Variants in RHOA observed in about 807,000 individuals in gnomAD.
The protein encoded by RHOA is ras homolog family member A, also known as transforming protein RhoA.
Under a neutral mutation model 17.5 loss-of-function variants are expected in RHOA, and 3 were observed. That is an observed-to-expected ratio of 0.17 (90% CI 0.08 to 0.44). RHOA has a LOEUF of 0.44. Among genes scored for constraint, RHOA ranks in the 20% least tolerant of loss-of-function variants. The pLI is 0.99. For missense variants in RHOA, 56 were observed against 242.3 expected (o/e 0.23, Z 5.10); for synonymous variants, 98 against 88.4 (o/e 1.11, Z -0.61).
intron 1 of RHOA, among the ~76,000 whole-genome samples, chr3:49,396,217 T>C (rs1293135652): frequency 2.0e-5 from 3 of 151,460 alleles, no homozygotes; most frequent in African/African-American, 7.3e-5. Flanking sequence ...CAGGCAAGAG[T>C]AGATGGCAGT....
intron 1 of RHOA, among the ~76,000 whole-genome samples, chr3:49,397,689 T>C (rs967810450): frequency 1.9e-4 from 29 of 152,026 alleles, no homozygotes; most frequent in African/African-American, 6.8e-4. Context: ...AAAATGATGA[T>C]GCAGGAGAGC....
At position 49,409,385 on chromosome 3, in the gene RHOA, A is replaced by C. The variant is rs377290674; in HGVS notation, c.-3+2435T>G. Among the ~76,000 whole-genome samples, 31 of 152,102 alleles carry C rather than the reference A, an allele frequency of 2.0e-4. No individual in the cohort carries two copies. The East Asian group carries it at 5.8e-3, about 29-fold the overall frequency. On this transcript the variant is annotated intron_variant, in intron 1 of 4. Coordinates refer to ENST00000418115, the MANE Select transcript of RHOA (RefSeq NM_001664.4). ...ACTCCAGCCTGGGCAACAGAGTGAG[A>C]CTCCATTTCAAAAATAAAAATAAAT... is the stretch of plus-strand genomic sequence containing the variant.
chr3:49,383,903 G>A (rs1318883241), intron 1 of RHOA, among the ~76,000 whole-genome samples: 1 of 152,078 alleles, frequency 6.6e-6, no homozygotes, highest in Non-Finnish European at 1.5e-5. Context: ...GGTGGCATCT[G>A]CCTGTAATCC....
At chr3:49,380,900 C>A (rs1387285482) in intron 1 of RHOA, among the ~76,000 whole-genome samples, 1 of 150,156 alleles carries the variant, frequency 6.7e-6, no homozygotes, top group African/African-American at 2.4e-5. Flanking sequence ...TTTGTGAATT[C>A]TCAGGACAAT....
At chr3:49,394,631 G>A (rs922634138) in intron 1 of RHOA, among the ~76,000 whole-genome samples, 1 of 152,104 alleles carries the variant, frequency 6.6e-6, no homozygotes, top group African/African-American at 2.4e-5. Flanking sequence ...GATTTCAGGC[G>A]TGAGCCACTG....
intron 1 of RHOA, among the ~76,000 whole-genome samples, chr3:49,387,762 A>C (rs2048426158): frequency 1.3e-5 from 2 of 151,714 alleles, no homozygotes; most frequent in Admixed American, 1.3e-4. Context: ...ACAAAAAAAA[A>C]AACCCTATTA....
intron 1 of RHOA, among the ~76,000 whole-genome samples, chr3:49,391,791 G>GT (rs1327204122): frequency 1.3e-5 from 2 of 149,838 alleles, no homozygotes; most frequent in Non-Finnish European, 3.0e-5. Context: ...GATTACAGGC[G>GT]TGAGCCACTG....
In RHOA at chr3:49,364,112, G is replaced by A. The variant is rs547949661; in HGVS notation, c.278-1486C>T. ...CGTCTATAATCCCAAAACTTTGAGA[G>A]GCTGAGGCAGGTGGATCGCGTTAGG... On this transcript the variant is annotated intron_variant, in intron 3 of 4. Coordinates refer to ENST00000418115, the MANE Select transcript of RHOA (RefSeq NM_001664.4). Among the ~76,000 whole-genome samples the A allele has an allele frequency of 1.0e-3, 157 of 152,196 alleles. 1 individual carries two copies. The highest frequency in any genetic ancestry group is 2.0e-3 in the Non-Finnish European group (138 of 68,002).
At chr3:49,364,754 G>A (rs1293786773) in intron 3 of RHOA, among the ~76,000 whole-genome samples, 1 of 152,050 alleles carries the variant, frequency 6.6e-6, no homozygotes, top group African/African-American at 2.4e-5. Context: ...GGCCGAGGCA[G>A]GTGGATCAGG....
Position 49,359,207 on chromosome 3 carries a change from T to C in RHOA, c.*1002A>G, listed in dbSNP as rs72554687. Reference sequence around the variant, plus strand: ...AATTAACTGGTACAGAAAAAAAGTTTAGTCAGCTGGAGAGAAGAGAGACTG... The same window carrying C: ...AATTAACTGGTACAGAAAAAAAGTTCAGTCAGCTGGAGAGAAGAGAGACTG... On this transcript the variant is annotated 3_prime_UTR_variant, in exon 5 of 5. Coordinates refer to ENST00000418115, the MANE Select transcript of RHOA (RefSeq NM_001664.4). 1,092 of 188,524 alleles carry C rather than the reference T, an allele frequency of 5.8e-3. 9 individuals are homozygous for C. The highest frequency in any genetic ancestry group is 0.024 in the African/African-American group (1,031 of 42,872). The allele number at this position is 188,524 out of a possible 1,614,324, so 11.7% of individuals were successfully genotyped here.
intron 1 of RHOA, among the ~76,000 whole-genome samples, chr3:49,381,353 C>A (rs1049167919): frequency 1.3e-5 from 2 of 150,010 alleles, no homozygotes; most frequent in African/African-American, 4.9e-5. Context: ...TGCAGTAAGC[C>A]GATATCTCGC....
chr3:49,370,273 T>C lies in RHOA; in HGVS notation c.157-1725A>G, dbSNP rs1391267107. ...GAAAAAAACAAAAAAACAAAACAGATACTAGAACTGAACCAAGTGGCATAA... is the reference window on the plus strand; with the variant it reads ...GAAAAAAACAAAAAAACAAAACAGACACTAGAACTGAACCAAGTGGCATAA... On this transcript the variant is annotated intron_variant, in intron 2 of 4. Transcript: ENST00000418115. Among the ~76,000 whole-genome samples the C allele has an allele frequency of 7.2e-5, 11 of 151,990 alleles. No homozygotes were observed. The East Asian group carries it at 2.1e-3, about 29-fold the overall frequency.
At chr3:49,399,054 C>CA (rs10530558) in intron 1 of RHOA, among the ~76,000 whole-genome samples, 580 of 24,838 alleles carry the variant, frequency 0.023, 79 homozygotes, top group Middle Eastern at 0.036. Flanking sequence ...GACTCCGTCT[C>CA]AAAAAAAAAA....
Position 49,360,386 on chromosome 3 carries a change from G to C in RHOA, c.409-4C>G. ...CTTCTTCAGGTTTCACCGGCTCCTA[G>C]CAAAGAAAAAAAAATAGTCCTTTTA... On this transcript the variant is annotated splice_polypyrimidine_tract_variant and splice_region_variant and intron_variant, in intron 4 of 4. Coordinates refer to ENST00000418115, the MANE Select transcript of RHOA (RefSeq NM_001664.4). 6.3e-7 allele frequency: 1 copy of C among 1,593,980 alleles called. No individual in the cohort carries two copies. Among genetic ancestry groups the C allele is most frequent in the African/African-American group, 1.4e-5 (1 of 73,136 alleles).
At chr3:49,411,275 T>C (rs375218917) in intron 1 of RHOA, among the ~76,000 whole-genome samples, 82 of 152,340 alleles carry the variant, frequency 5.4e-4, no homozygotes, top group Admixed American at 2.0e-3. Context: ...TACAATCTTT[T>C]ACTTACTTAC....
chr3:49,377,060 A>G (rs1219454112), intron 1 of RHOA, among the ~76,000 whole-genome samples: 9 of 152,132 alleles, frequency 5.9e-5, no homozygotes. Flanking sequence ...CCCGGGAGGC[A>G]GAGGTTGTGG....
intron 2 of RHOA, among the ~76,000 whole-genome samples, chr3:49,374,043 T>C (rs993672117): frequency 6.6e-6 from 1 of 152,102 alleles, no homozygotes; most frequent in African/African-American, 2.4e-5. Context: ...CAGGCTATTT[T>C]ATGTTAAAGT....
intron 1 of RHOA, among the ~76,000 whole-genome samples, chr3:49,389,733 A>T (rs893796392): frequency 3.3e-5 from 5 of 151,740 alleles, no homozygotes; most frequent in Admixed American, 1.3e-4. Context: ...CGAGGTCAGG[A>T]TATTGACACC....
At position 49,375,433 on chromosome 3, in the gene RHOA, C is replaced by T. The variant is rs2107849053; in HGVS notation, c.156+1G>A. ...TCAGTTGTTATGAAAAGTATACTCA[C>T]CTGCTTTCCATCCACCTCGATATCT... On this transcript the variant is annotated splice_donor_variant, in intron 2 of 4. Coordinates refer to ENST00000418115, the MANE Select transcript of RHOA (RefSeq NM_001664.4). LOFTEE classifies it high-confidence loss of function. 6.2e-7 allele frequency: 1 copy of T among 1,609,076 alleles called. No homozygotes were observed. Among genetic ancestry groups the T allele is most frequent in the African/African-American group, 1.3e-5 (1 of 74,822 alleles).
Sources: gnomAD v4.1 joint callset for allele counts (sites outside exome capture counted in the v4.1 genomes callset) on GRCh38, gnomAD v4.1.1 for gene constraint, MANE v1.5 for transcripts, NCBI Gene and HGNC (gene_info 2026-07-23, HGNC 2026-07-21) for gene names.